Variants in SNTG1 observed in about 807,000 individuals in gnomAD.
SNTG1 encodes gamma-1-syntrophin.
SNTG1 carries 39 observed loss-of-function variants against 74.7 expected under a neutral mutation model. That is an observed-to-expected ratio of 0.52 (90% confidence interval 0.40 to 0.68). The LOEUF (loss-of-function observed/expected upper bound fraction) is 0.68, where lower values mean the gene tolerates loss of function less well. Ranked by LOEUF, SNTG1 falls within the 30% of genes least tolerant of loss-of-function variation. The pLI is 0.00. For synonymous variants in SNTG1, 254 were observed against 217.1 expected (o/e 1.17, Z -1.49); for missense variants, 685 against 609.5 (o/e 1.12, Z -1.30).
At chr8:50,298,596 C>A (rs973795316) in intron 2 of SNTG1, among the ~76,000 whole-genome samples, 2 of 152,078 alleles carry the variant, frequency 1.3e-5, no homozygotes, top group Non-Finnish European at 2.9e-5. Flanking sequence ...TGTCTCTGAT[C>A]CAGAACACTT....
At chr8:50,735,202 G>A (rs1281060289) in intron 17 of SNTG1, among the ~76,000 whole-genome samples, 2 of 151,362 alleles carry the variant, frequency 1.3e-5, no homozygotes, top group African/African-American at 4.8e-5. Context: ...GTACACAAGA[G>A]GCTAACATTG....
chr8:50,016,591 A>C (rs1042420625), intron 1 of SNTG1, among the ~76,000 whole-genome samples: 1 of 152,124 alleles, frequency 6.6e-6, no homozygotes, highest in Non-Finnish European at 1.5e-5. Context: ...GTTCATTAGC[A>C]GTTTCTCAGC....
chr8:50,465,373 G>T (rs1468492790), intron 8 of SNTG1, among the ~76,000 whole-genome samples: 1 of 152,076 alleles, frequency 6.6e-6, no homozygotes, highest in Non-Finnish European at 1.5e-5. Context: ...AAGTGAAGTT[G>T]CTTCAAACAT....
At chr8:50,310,942 A>T (rs531110038) in intron 2 of SNTG1, among the ~76,000 whole-genome samples, 9 of 152,258 alleles carry the variant, frequency 5.9e-5, no homozygotes, top group African/African-American at 1.7e-4. Flanking sequence ...TTCAATTGCC[A>T]CCTCCTGCCT....
chr8:50,638,182 G>A (rs775028302), intron 13 of SNTG1, among the ~76,000 whole-genome samples: 1 of 151,954 alleles, frequency 6.6e-6, no homozygotes, highest in Non-Finnish European at 1.5e-5. Context: ...AAAAAGAGAT[G>A]GACTCATCTC....
At chr8:50,400,093 A>T (rs2092783063) in intron 3 of SNTG1, among the ~76,000 whole-genome samples, 1 of 152,264 alleles carries the variant, frequency 6.6e-6, no homozygotes, top group Admixed American at 6.5e-5. Context: ...AGGCTGCAGT[A>T]TATAAATATA....
chr8:50,577,046 ATAT>A (rs1250642293), intron 12 of SNTG1, among the ~76,000 whole-genome samples: 6 of 152,314 alleles, frequency 3.9e-5, no homozygotes, highest in African/African-American at 1.4e-4. Flanking sequence ...ACATAGGAAC[ATAT>A]TATCCTTTTC....
intron 13 of SNTG1, among the ~76,000 whole-genome samples, chr8:50,656,172 C>A (rs991739361): frequency 1.3e-5 from 2 of 152,056 alleles, no homozygotes; most frequent in East Asian, 3.9e-4. Context: ...AAATTGAATG[C>A]CACATGAATA....
At chr8:50,319,111 T>A (rs1287635279) in intron 2 of SNTG1, among the ~76,000 whole-genome samples, 1 of 152,114 alleles carries the variant, frequency 6.6e-6, no homozygotes, top group Non-Finnish European at 1.5e-5. Flanking sequence ...GTGTTATAGC[T>A]CCTATAGGAA....
At chr8:50,417,116 TCTTCAA>T (rs749958634) in intron 4 of SNTG1, among the ~76,000 whole-genome samples, 1 of 152,174 alleles carries the variant, frequency 6.6e-6, no homozygotes, top group Non-Finnish European at 1.5e-5. Flanking sequence ...AAAAAATTTA[TCTTCAA>T]AGATATGTAT....
intron 18 of SNTG1, among the ~76,000 whole-genome samples, chr8:50,772,257 G>T (rs547823216): frequency 1.3e-5 from 2 of 152,266 alleles, no homozygotes; most frequent in East Asian, 1.9e-4. Flanking sequence ...GAGTTGAACT[G>T]CCCAAGACCT....
At chr8:50,580,743 G>C (rs926824936) in intron 12 of SNTG1, among the ~76,000 whole-genome samples, 1 of 152,032 alleles carries the variant, frequency 6.6e-6, no homozygotes, top group African/African-American at 2.4e-5. Flanking sequence ...GCCTCCCCAG[G>C]CATGCTTAAC....
intron 13 of SNTG1, among the ~76,000 whole-genome samples, chr8:50,599,502 GTCTT>G (rs1351991673): frequency 5.9e-5 from 9 of 151,948 alleles, no homozygotes; most frequent in Non-Finnish European, 1.0e-4. Flanking sequence ...AATATAAAAT[GTCTT>G]TCTTTTTTTG....
intron 2 of SNTG1, among the ~76,000 whole-genome samples, chr8:50,314,499 C>T (rs554423522): frequency 2.7e-5 from 4 of 149,598 alleles, no homozygotes; most frequent in African/African-American, 5.0e-5. Flanking sequence ...GAGTGCCTGA[C>T]GGAGATGATT....
At chr8:50,085,289 G>A (rs1822777259) in intron 1 of SNTG1, among the ~76,000 whole-genome samples, 2 of 151,640 alleles carry the variant, frequency 1.3e-5, no homozygotes, top group South Asian at 4.2e-4. Flanking sequence ...CAACTCCATA[G>A]CAGCATCTAC....
intron 1 of SNTG1, among the ~76,000 whole-genome samples, chr8:50,062,429 G>A (rs372552978): frequency 6.6e-6 from 1 of 151,938 alleles, no homozygotes; most frequent in Non-Finnish European, 1.5e-5. Flanking sequence ...TTAGGGTTCT[G>A]TTGTTTGGTG....
chr8:49,917,080 G>A lies in SNTG1; in HGVS notation c.-103+4849G>A, dbSNP rs114269916. 3.8e-3 allele frequency among the ~76,000 whole-genome samples: 583 copies of A among 152,028 alleles called. 4 individuals carry two copies. Among genetic ancestry groups the A allele is most frequent in the African/African-American group, 8.4e-3 (348 of 41,490 alleles). ...AATCTTTTCAAGGGGTGAGAAATAA[G>A]TATGTGAGATTAAGAAATTTAGATC... On this transcript the variant is annotated intron_variant, in intron 1 of 18. Transcript: ENST00000642720.
chr8:49,993,474 T>G (rs1284214973), intron 1 of SNTG1, among the ~76,000 whole-genome samples: 2 of 152,068 alleles, frequency 1.3e-5, no homozygotes, highest in Admixed American at 1.3e-4. Flanking sequence ...TGTGCCATGG[T>G]GGTTTGCTGC....
At chr8:50,365,082 A>C (rs1359404389) in intron 2 of SNTG1, among the ~76,000 whole-genome samples, 1 of 152,078 alleles carries the variant, frequency 6.6e-6, no homozygotes, top group Non-Finnish European at 1.5e-5. Context: ...AATCTACTTG[A>C]TTTCTCAAAT....
Sources: gnomAD v4.1 joint callset for allele counts (sites outside exome capture counted in the v4.1 genomes callset) on GRCh38, gnomAD v4.1.1 for gene constraint, MANE v1.5 for transcripts, NCBI Gene and HGNC (gene_info 2026-07-23, HGNC 2026-07-21) for gene names.